Variants in NUP54 observed in about 807,000 individuals in gnomAD.
The protein encoded by NUP54 is nucleoporin 54.
Under a neutral mutation model 66.4 loss-of-function variants are expected in NUP54, and 27 were observed. That is an observed-to-expected ratio of 0.41 (90% CI 0.30 to 0.56). The LOEUF (loss-of-function observed/expected upper bound fraction) is 0.56. NUP54 is among the 20% of genes least tolerant of loss of function. The pLI is 0.34. For synonymous variants in NUP54, 206 were observed against 210.7 expected, an observed-to-expected ratio of 0.98 and a Z score of 0.19; for missense variants, 486 against 596.3, an observed-to-expected ratio of 0.82 and a Z score of 1.93.
At position 76,115,253 on chromosome 4, in the gene NUP54, T is replaced by A; in HGVS notation, c.*113A>T. The A allele has an allele frequency of 7.1e-6, 7 of 983,534 alleles. No individual in the cohort carries two copies. Among genetic ancestry groups the A allele is most frequent in the Non-Finnish European group, 9.7e-6 (7 of 720,058 alleles). 60.9% of individuals were successfully genotyped at this position (983,534 alleles called of 1,614,324 possible). A position where few individuals can be genotyped will look rare whatever the true frequency, so the allele number is the denominator to read the frequency against. On this transcript the variant is annotated 3_prime_UTR_variant, in exon 12 of 12. Transcript: ENST00000264883. ...GTCAGTAAACTTCTCAAAAAACCAATCCAAGAAAGAATTGTTTTCTTTTTC... is the reference window on the plus strand; with the variant it reads ...GTCAGTAAACTTCTCAAAAAACCAAACCAAGAAAGAATTGTTTTCTTTTTC...
chr4:76,124,861 T>G, intron 8 of NUP54, 105 bp from the exon 9 acceptor site: 1 of 535,456 alleles, frequency 1.9e-6, no homozygotes, highest in Non-Finnish European at 3.3e-6. Context: ...CTGAGATTCA[T>G]CTCTCAAAAT....
chr4:76,125,683 A>G (rs1578673196), intron 8 of NUP54, among the ~76,000 whole-genome samples: 2 of 20,198 alleles, frequency 9.9e-5, no homozygotes, highest in African/African-American at 2.3e-4. Flanking sequence ...GGAGAGAGGG[A>G]GAGGGAGAGA....
chr4:76,126,694 G>A (rs536102815), intron 8 of NUP54, among the ~76,000 whole-genome samples: 1 of 152,070 alleles, frequency 6.6e-6, no homozygotes, highest in African/African-American at 2.4e-5. Flanking sequence ...GAACGCATGA[G>A]ATTTTAAAAG....
chr4:76,139,052 T>C (rs1053797438), intron 3 of NUP54, among the ~76,000 whole-genome samples: 1 of 152,006 alleles, frequency 6.6e-6, no homozygotes, highest in Non-Finnish European at 1.5e-5. Context: ...AGAAAAAAAA[T>C]TATCTTGCCT....
chr4:76,139,079 A>G (rs1332037363), intron 3 of NUP54, among the ~76,000 whole-genome samples: 1 of 152,242 alleles, frequency 6.6e-6, no homozygotes, highest in Non-Finnish European at 1.5e-5. Flanking sequence ...TACAAACTGT[A>G]CATCAGGGTG....
At chr4:76,127,637 A>G (rs1188988613) in intron 8 of NUP54, among the ~76,000 whole-genome samples, 1 of 152,160 alleles carries the variant, frequency 6.6e-6, no homozygotes, top group African/African-American at 2.4e-5. Context: ...AAAAGAAAAT[A>G]CAAGGCAAAC....
intron 1 of NUP54, 30 bp from the exon 2 acceptor site, chr4:76,144,503 A>G: frequency 6.5e-7 from 1 of 1,537,228 alleles, no homozygotes; most frequent in East Asian, 2.3e-5. Context: ...AATAGAAAGG[A>G]AGAATCTTTT....
At chr4:76,135,562 A>G (rs1205208961) in intron 4 of NUP54, among the ~76,000 whole-genome samples, 5 of 152,236 alleles carry the variant, frequency 3.3e-5, no homozygotes, top group Admixed American at 3.3e-4. Flanking sequence ...ACAGCTCCAA[A>G]CACAGGGTTA....
rs1730937455 is a variant in NUP54 at position 76,134,297 on chromosome 4, G to A, written c.588C>T (p.Asn196=). 13 of 1,613,436 alleles carry A rather than the reference G, an allele frequency of 8.1e-6. No homozygotes were observed. The highest frequency in any genetic ancestry group is 1.0e-5 in the Non-Finnish European group (12 of 1,179,758). ...DEDGLVVLVF[N]KKETEIRSQQ... ...GGCTTCGAATCTCTGTTTCTTTTTTGTTGAAAACTAAAACCACTAGCCCAT... is the reference window on the plus strand; with the variant it reads ...GGCTTCGAATCTCTGTTTCTTTTTTATTGAAAACTAAAACCACTAGCCCAT... The change falls in exon 5 of 12, where the codon AAC becomes AAT. Residue 196 remains asparagine (N), a synonymous_variant. Transcript: ENST00000264883.
intron 8 of NUP54, 102 bp downstream of exon 8, chr4:76,130,554 C>A: frequency 1.3e-6 from 1 of 758,756 alleles, no homozygotes; most frequent in South Asian, 1.6e-5. Context: ...TACATTGTTT[C>A]CTGATTAAGA....
At chr4:76,120,012 TTTG>T (rs1730158771) in intron 9 of NUP54, among the ~76,000 whole-genome samples, 1 of 152,200 alleles carries the variant, frequency 6.6e-6, no homozygotes, top group African/African-American at 2.4e-5. Context: ...ATAGCTCTAA[TTTG>T]TTATTTTTAA....
chr4:76,138,961 T>G (rs1731150101), intron 3 of NUP54, among the ~76,000 whole-genome samples: 2 of 147,524 alleles, frequency 1.4e-5, no homozygotes, highest in Non-Finnish European at 2.9e-5. Flanking sequence ...AAGATCAAAT[T>G]TTTTTTAAAT....
intron 9 of NUP54, among the ~76,000 whole-genome samples, chr4:76,119,978 ATC>A (rs1039579483): frequency 2.6e-4 from 40 of 152,262 alleles, no homozygotes; most frequent in African/African-American, 9.4e-4. Flanking sequence ...TATTATCAAA[ATC>A]TCATGAAATG....
intron 9 of NUP54, among the ~76,000 whole-genome samples, chr4:76,123,791 A>G (rs2109862918): frequency 6.6e-6 from 1 of 152,214 alleles, no homozygotes; most frequent in South Asian, 2.1e-4. Flanking sequence ...TAGGATTACA[A>G]GAGTGAGACA....
At chr4:76,136,583 A>T (rs1731049105) in intron 3 of NUP54, among the ~76,000 whole-genome samples, 171 bp from the exon 4 acceptor site, 1 of 152,188 alleles carries the variant, frequency 6.6e-6, no homozygotes, top group Non-Finnish European at 1.5e-5. Context: ...AGATGTGATT[A>T]AATTAAGCAT....
intron 6 of NUP54, among the ~76,000 whole-genome samples, chr4:76,131,776 A>G (rs530933596): frequency 1.3e-5 from 2 of 152,226 alleles, no homozygotes; most frequent in East Asian, 1.9e-4. Flanking sequence ...AAATTTCATT[A>G]CCAGAGATCT....
Position 76,134,321 on chromosome 4 carries a change from A to G in NUP54, c.564T>C (p.Asp188=), listed in dbSNP as rs11097244. The change falls in exon 5 of 12, where the codon GAT becomes GAC. Residue 188 remains aspartate (D), a synonymous_variant. Coordinates refer to ENST00000264883, the MANE Select transcript of NUP54 (RefSeq NM_017426.4). ...YSCMPSNKDE[D]GLVVLVFNKK... ...TGTTGAAAACTAAAACCACTAGCCCATCTTCATCTTTATTACTGGGCATGC... is the reference window on the plus strand; with the variant it reads ...TGTTGAAAACTAAAACCACTAGCCCGTCTTCATCTTTATTACTGGGCATGC... 0.15 allele frequency: 238,221 copies of G among 1,612,924 alleles called. 19,128 individuals carry two copies. The highest frequency in any genetic ancestry group is 0.35 in the East Asian group (15,499 of 44,790).
At chr4:76,118,384 T>G (rs62299342) in intron 9 of NUP54, 190 bp from the exon 10 acceptor site, 85,826 of 572,498 alleles carry the variant, frequency 0.15, 7,326 homozygotes, top group East Asian at 0.35. Context: ...TACAATGATA[T>G]AGACTTAATT....
intron 3 of NUP54, among the ~76,000 whole-genome samples, chr4:76,137,226 G>C (rs937071065): frequency 2.6e-5 from 4 of 152,062 alleles, no homozygotes; most frequent in Non-Finnish European, 4.4e-5. Flanking sequence ...CAAAACTTCT[G>C]AGCTCAAGCG....
Sources: gnomAD v4.1 joint callset for allele counts (sites outside exome capture counted in the v4.1 genomes callset) on GRCh38, gnomAD v4.1.1 for gene constraint, MANE v1.5 for transcripts, NCBI Gene and HGNC (gene_info 2026-07-23, HGNC 2026-07-21) for gene names.